Variants in MRPS35 observed in about 807,000 individuals in gnomAD.
MRPS35 encodes the protein mitochondrial ribosomal protein S35, also known as small ribosomal subunit protein mS35.
Under a neutral mutation model 32.7 loss-of-function variants are expected in MRPS35, and 29 were observed. That is an observed-to-expected ratio of 0.89 (90% confidence interval 0.66 to 1.21). The LOEUF (loss-of-function observed/expected upper bound fraction) is 1.21, where lower values mean the gene tolerates loss of function less well. Among genes scored for constraint, MRPS35 ranks in the 50% most tolerant of loss-of-function variants. The pLI, the probability that MRPS35 is intolerant of heterozygous loss-of-function variation, is 0.00. For missense variants in MRPS35, 373 were observed against 383.8 expected, an observed-to-expected ratio of 0.97 and a Z score of 0.23; for synonymous variants, 148 against 139.3, an observed-to-expected ratio of 1.06 and a Z score of -0.44.
chr12:27,722,644 A>T (rs2061881414), intron 4 of MRPS35, among the ~76,000 whole-genome samples: 2 of 151,766 alleles, frequency 1.3e-5, no homozygotes, highest in East Asian at 3.9e-4. Flanking sequence ...GAGTAAGTTC[A>T]TGATGGGAAT....
chr12:27,716,275 A>G lies in MRPS35; in HGVS notation c.154-16A>G, dbSNP rs1236972130. The G allele has an allele frequency of 1.3e-6, 2 of 1,535,672 alleles. No homozygotes were observed. The highest frequency in any genetic ancestry group is 1.4e-5 in the African/African-American group (1 of 71,608). On this transcript the variant is annotated splice_polypyrimidine_tract_variant and intron_variant, in intron 2 of 7. Transcript: ENST00000081029. ...GTGTTTATATTTAAAATACTAAACG[A>G]TTTTATATTTCTTAGGCACTACCTC...
intron 5 of MRPS35, among the ~76,000 whole-genome samples, chr12:27,724,441 A>G (rs1214912142): frequency 6.6e-6 from 1 of 151,756 alleles, no homozygotes; most frequent in African/African-American, 2.4e-5. Context: ...AATTTTGGAA[A>G]ATACAAGTTT....
intron 1 of MRPS35, among the ~76,000 whole-genome samples, chr12:27,714,090 AAAAAG>A (rs1320115539): frequency 1.3e-5 from 2 of 151,788 alleles, no homozygotes; most frequent in African/African-American, 4.8e-5. Flanking sequence ...AAAAAAAAAA[AAAAAG>A]AAAGAAAGAG....
intron 7 of MRPS35, among the ~76,000 whole-genome samples, chr12:27,748,539 G>A (rs944899131): frequency 2.6e-5 from 4 of 151,526 alleles, no homozygotes; most frequent in Non-Finnish European, 4.4e-5. Context: ...AATAGGAGTC[G>A]ACAAATTAAT....
intron 3 of MRPS35, among the ~76,000 whole-genome samples, chr12:27,719,121 G>C (rs2346760): frequency 1 from 151,796 of 152,326 alleles, 75,639 homozygotes; most frequent in East Asian, 1. Context: ...AAATCCACGT[G>C]CTTAAGTCCT....
intron 7 of MRPS35, among the ~76,000 whole-genome samples, chr12:27,748,729 G>A (rs551540275): frequency 6.6e-6 from 1 of 152,106 alleles, no homozygotes; most frequent in Non-Finnish European, 1.5e-5. Flanking sequence ...GGAGTGCAGT[G>A]GTGTAATCTC....
rs887984082 is a variant in MRPS35, at chr12:27,710,939, C to T, written c.96C>T (p.Val32=). Residue 32 remains valine (V), a synonymous_variant, in exon 1 of 8, where the codon GTC becomes GTT. Coordinates refer to ENST00000081029, the MANE Select transcript of MRPS35 (RefSeq NM_021821.4). ...FSTAVYSATP[V]PTPSLPERTP... Reference sequence around the variant, plus strand: ...CTGCCGTCTACTCGGCCACTCCGGTCCCGACACCTAGCCTGCGTGAGTGTC... The same window carrying T: ...CTGCCGTCTACTCGGCCACTCCGGTTCCGACACCTAGCCTGCGTGAGTGTC... 4.3e-6 allele frequency: 7 copies of T among 1,613,138 alleles called. No individual in the cohort carries two copies. The highest frequency in any genetic ancestry group is 5.9e-6 in the Non-Finnish European group (7 of 1,179,804).
At chr12:27,727,743 C>G (rs191914284) in intron 5 of MRPS35, among the ~76,000 whole-genome samples, 45 of 152,204 alleles carry the variant, frequency 3.0e-4, no homozygotes, top group South Asian at 1.9e-3. Flanking sequence ...TTAGCTCTTA[C>G]ATTTAGATCT....
chr12:27,744,869 T>G (rs868162913), intron 7 of MRPS35, among the ~76,000 whole-genome samples: 33 of 151,902 alleles, frequency 2.2e-4, no homozygotes, highest in Admixed American at 8.5e-4. Context: ...CTGACTTTGT[T>G]TTTTTTAACT....
chr12:27,755,153 CA>C (rs746627108), intron 7 of MRPS35, 27 bp from the exon 8 acceptor site: 2 of 1,477,704 alleles, frequency 1.4e-6, no homozygotes, highest in Non-Finnish European at 1.8e-6. Context: ...ATTCAGAACT[CA>C]TTTTTTTTTG....
At chr12:27,714,947 C>A in intron 2 of MRPS35, 127 bp downstream of exon 2, 1 of 746,176 alleles carries the variant, frequency 1.3e-6, no homozygotes, top group Non-Finnish European at 2.2e-6. Context: ...TGGGTGATTG[C>A]CATAGCCCTG....
rs776846866 is a variant in MRPS35 at position 27,731,430 on chromosome 12, C to T, written c.523-4017C>T. 1.1e-4 allele frequency among the ~76,000 whole-genome samples: 16 copies of T among 152,288 alleles called. No individual in the cohort carries two copies. The East Asian group carries it at 1.9e-3, about 18-fold the overall frequency. On this transcript the variant is annotated intron_variant, in intron 5 of 7. Transcript: ENST00000081029. ...TGTTGAAAATCTATGCAACCATTTT[C>T]GCATTATGTACTAGCAAATAAACAA...
At chr12:27,750,993 C>CT (rs2140784677) in intron 7 of MRPS35, among the ~76,000 whole-genome samples, 1 of 148,964 alleles carries the variant, frequency 6.7e-6, no homozygotes, top group South Asian at 2.1e-4. Flanking sequence ...ATCCCAGCTA[C>CT]TTGGGGGGCT....
chr12:27,735,816 A>T (rs2061941220), intron 6 of MRPS35, among the ~76,000 whole-genome samples: 1 of 152,240 alleles, frequency 6.6e-6, no homozygotes. Flanking sequence ...ATAAAACTCA[A>T]GAGAGAGATT....
At chr12:27,737,513 G>A in intron 6 of MRPS35, 26 bp from the exon 7 acceptor site, 1 of 1,597,130 alleles carries the variant, frequency 6.3e-7, no homozygotes, top group South Asian at 1.1e-5. Flanking sequence ...TTAGAATTTT[G>A]ACTTCTCCCG....
At chr12:27,745,117 T>G (rs2061977727) in intron 7 of MRPS35, among the ~76,000 whole-genome samples, 1 of 152,202 alleles carries the variant, frequency 6.6e-6, no homozygotes, top group Non-Finnish European at 1.5e-5. Context: ...ACCCCCAGCA[T>G]GTTCCATCTT....
At chr12:27,726,960 CTT>C (rs140813983) in intron 5 of MRPS35, among the ~76,000 whole-genome samples, 4 of 123,254 alleles carry the variant, frequency 3.2e-5, no homozygotes, top group Admixed American at 8.9e-5. Context: ...TGATGATGTC[CTT>C]TTTTTTTTTT....
rs766913309 is a variant in MRPS35, at chr12:27,735,554, T to C, written c.630T>C (p.Asp210=). ...KTTDVLTIKT[D]RCPLRRQNYD... The stretch of plus-strand genomic sequence containing the variant: ...CAGATGTGCTTACCATCAAAACAGA[T>C]AGGTAATGGAAAAAATGTTCAGCCG... The change falls in exon 6 of 8, where the codon GAT becomes GAC. Residue 210 remains aspartate (D), a splice_region_variant and synonymous_variant. Transcript: ENST00000081029. The C allele has an allele frequency of 1.3e-5, 21 of 1,604,592 alleles. No homozygotes were observed. The highest frequency in any genetic ancestry group is 1.5e-5 in the Non-Finnish European group (18 of 1,174,426).
Position 27,736,526 on chromosome 12 carries a change from A to G in MRPS35, c.632+970A>G, listed in dbSNP as rs375664750. 1.0e-3 allele frequency among the ~76,000 whole-genome samples: 154 copies of G among 151,992 alleles called. 1 individual carries two copies. Among genetic ancestry groups the G allele is most frequent in the Non-Finnish European group, 2.0e-3 (133 of 67,998 alleles). ...TTTTTTTTTTTTTAGGTAGTTTTAC[A>G]AGTGTTAGTGTATGGATATGTTTTA... On this transcript the variant is annotated intron_variant, in intron 6 of 7. Coordinates refer to ENST00000081029, the MANE Select transcript of MRPS35 (RefSeq NM_021821.4).
Sources: allele counts gnomAD v4.1 joint callset (sites outside exome capture counted in the v4.1 genomes callset), GRCh38; gene constraint gnomAD v4.1.1; transcripts MANE v1.5; gene names NCBI Gene and HGNC (gene_info 2026-07-23, HGNC 2026-07-21).